The following BIN2 variants were observed in gnomAD, a reference collection of about 807,000 sequenced individuals.
The protein encoded by BIN2 is breast cancer associated protein BRAP1.
A neutral mutation model predicts 67.9 loss-of-function variants in BIN2; 43 were observed. That is an observed-to-expected ratio of 0.63 (90% CI 0.50 to 0.82). BIN2 has a LOEUF of 0.82. Ranked by LOEUF, BIN2 falls within the 40% of genes least tolerant of loss-of-function variation. The probability of loss-of-function intolerance (pLI) is 0.00; values close to 1 mark genes in which losing one functional copy is unlikely to be tolerated. For synonymous variants in BIN2, 244 were observed against 246.8 expected (o/e 0.99, Z 0.11); for missense variants, 581 against 671.6 (o/e 0.87, Z 1.49).
chr12:51,288,710 C>T (rs1221837498), intron 10 of BIN2, among the ~76,000 whole-genome samples: 3 of 151,796 alleles, frequency 2.0e-5, no homozygotes, highest in African/African-American at 7.3e-5. Context: ...CACCATAATC[C>T]TCTCTACAAT....
chr12:51,286,546 A>G (rs1335298840), intron 11 of BIN2, among the ~76,000 whole-genome samples: 1 of 152,208 alleles, frequency 6.6e-6, no homozygotes, highest in East Asian at 1.9e-4. Flanking sequence ...GACTCCAAGA[A>G]TGCAAGCTTG....
At chr12:51,297,676 C>A (rs1453863110) in intron 7 of BIN2, among the ~76,000 whole-genome samples, 1 of 152,124 alleles carries the variant, frequency 6.6e-6, no homozygotes, top group Non-Finnish European at 1.5e-5. Context: ...GCAGGAAGGC[C>A]AGGGGAGACA....
In BIN2 at chr12:51,313,861, G is replaced by A; in HGVS notation, c.124C>T (p.Arg42Ter). 1.2e-6 allele frequency: 2 copies of A among 1,613,676 alleles called. No individual in the cohort carries two copies. The highest frequency in any genetic ancestry group is 2.2e-5 in the East Asian group (1 of 44,864). Reference sequence around the variant, plus strand: ...AAGTTGCTAGCGCTTTGTTCAAATCGTTCATCTTTGGTTTCTACAGCTTTC... The same window carrying A: ...AAGTTGCTAGCGCTTTGTTCAAATCATTCATCTTTGGTTTCTACAGCTTTC... Reference protein sequence around the residue: ...LGKAVETKDERFEQSASNFYQ... With the variant: ...LGKAVETKDE The change falls in exon 2 of 13, where the codon CGA becomes TGA. Residue 42 changes from arginine to a stop codon, truncating the protein, a stop_gained. Transcript: ENST00000615107. LOFTEE classifies it high-confidence loss of function.
chr12:51,310,566 T>A (rs1945968805), intron 2 of BIN2, among the ~76,000 whole-genome samples: 1 of 152,186 alleles, frequency 6.6e-6, no homozygotes, highest in Non-Finnish European at 1.5e-5. Flanking sequence ...AAGATTTGTA[T>A]GACACTGGTA....
Position 51,291,857 on chromosome 12 carries a change from G to T in BIN2, c.1249C>A (p.Pro417Thr). The change falls in exon 10 of 13, where the codon CCT (proline) becomes ACT (threonine). Residue 417 changes from proline to threonine, a missense_variant. Physicochemically the swap from Pro to Thr is conservative, Grantham distance 38. Transcript: ENST00000615107. ...IQRTSAPPSRPPPPRATASPR... is the reference protein window; with the variant it reads ...IQRTSAPPSRTPPPRATASPR... ...CTTGCAGTGGCTCTGGGTGGAGGAGGCCTACTAGGGGGTGCTGAGGTCCTC... is the reference window on the plus strand; with the variant it reads ...CTTGCAGTGGCTCTGGGTGGAGGAGTCCTACTAGGGGGTGCTGAGGTCCTC... 1.2e-6 allele frequency: 2 copies of T among 1,614,140 alleles called. No individual in the cohort carries two copies. Among genetic ancestry groups the T allele is most frequent in the Non-Finnish European group, 8.5e-7 (1 of 1,180,012 alleles).
chr12:51,294,822 A>T (rs1305735527), intron 9 of BIN2, among the ~76,000 whole-genome samples: 1 of 152,198 alleles, frequency 6.6e-6, no homozygotes, highest in East Asian at 1.9e-4. Flanking sequence ...GGGAAGGAAC[A>T]TTGGGAACTT....
intron 1 of BIN2, among the ~76,000 whole-genome samples, chr12:51,321,588 G>A (rs527615411): frequency 5.1e-4 from 77 of 152,124 alleles, no homozygotes; most frequent in African/African-American, 1.6e-3. Flanking sequence ...TAGTAGAGAC[G>A]GGGTTTCTCC....
intron 12 of BIN2, among the ~76,000 whole-genome samples, chr12:51,284,409 AAT>A (rs1945188609): frequency 1.3e-5 from 2 of 152,200 alleles, no homozygotes; most frequent in South Asian, 2.1e-4. Flanking sequence ...ATTACTGTAT[AAT>A]ATGACCTTTT....
intron 5 of BIN2, 87 bp from the exon 6 acceptor site, chr12:51,299,801 T>C: frequency 8.9e-7 from 1 of 1,127,766 alleles, no homozygotes; most frequent in Non-Finnish European, 1.3e-6. Flanking sequence ...GAGAGCAAGA[T>C]TCTTGCATCC....
At chr12:51,324,251 G>A (rs1592290921), upstream of BIN2, 8 of 1,428,192 alleles carry the variant, frequency 5.6e-6, no homozygotes, top group South Asian at 3.0e-5. Context: ...CCTGAGGCCC[G>A]CCCCTCAGCC....
chr12:51,302,781 C>A lies in BIN2; in HGVS notation c.218-1G>T. 1 of 1,609,940 alleles carries A rather than the reference C, an allele frequency of 6.2e-7. No homozygotes were observed. Among genetic ancestry groups the A allele is most frequent in the Non-Finnish European group, 8.5e-7 (1 of 1,176,210 alleles). On this transcript the variant is annotated splice_acceptor_variant, in intron 3 of 12. Transcript: ENST00000615107. LOFTEE classifies it high-confidence loss of function. ...ACTCTTTTTGAACTTTCATGCATCA[C>A]TGAAAGGAGAGAATTCAGTCCCACC...
At chr12:51,299,092 G>C (rs866030386) in intron 7 of BIN2, 111 bp downstream of exon 7, 55,214 of 684,256 alleles carry the variant, frequency 0.081, 1,598 homozygotes, top group Non-Finnish European at 0.092. Context: ...AAAAAAAGGG[G>C]GCGGGGCAGT....
chr12:51,293,961 A>G lies in BIN2; in HGVS notation c.762-1617T>C, dbSNP rs562115015. ...GTCAAGAAGCCCCATGACAGACCTT[A>G]TGACTCAACAATCCTGCTCCAAGTA... On this transcript the variant is annotated intron_variant, in intron 9 of 12. Coordinates refer to ENST00000615107, the MANE Select transcript of BIN2 (RefSeq NM_016293.4). Among the ~76,000 whole-genome samples, 90 of 152,340 alleles carry G rather than the reference A, an allele frequency of 5.9e-4. 1 individual carries two copies. The highest frequency in any genetic ancestry group is 2.1e-3 in the African/African-American group (88 of 41,592).
chr12:51,314,876 A>C (rs551753239), intron 1 of BIN2, among the ~76,000 whole-genome samples: 1 of 152,090 alleles, frequency 6.6e-6, no homozygotes, highest in Non-Finnish European at 1.5e-5. Flanking sequence ...TATTTGAGAC[A>C]GGGTCTTGCT....
Position 51,318,459 on chromosome 12 carries a change from G to A in BIN2, c.82-4556C>T, listed in dbSNP as rs775049. Among the ~76,000 whole-genome samples the A allele has an allele frequency of 1.5e-3, 231 of 152,084 alleles. 6 individuals carry two copies. Among genetic ancestry groups the A allele is most frequent in the East Asian group, 9.7e-4 (5 of 5,178 alleles). On this transcript the variant is annotated intron_variant, in intron 1 of 12. Coordinates refer to ENST00000615107, the MANE Select transcript of BIN2 (RefSeq NM_016293.4). ...GTATTTTTAGTAGAGACAGGGTTTC[G>A]CCATGTTGGCCAGGCTGGTCTTGAA...
intron 2 of BIN2, among the ~76,000 whole-genome samples, chr12:51,307,297 A>C (rs1430628064): frequency 6.6e-6 from 1 of 152,018 alleles, no homozygotes; most frequent in East Asian, 1.9e-4. Context: ...AAAAAAAAAA[A>C]AAATTAACAA....
chr12:51,304,551 C>G (rs1015421649), intron 2 of BIN2, among the ~76,000 whole-genome samples: 6 of 152,206 alleles, frequency 3.9e-5, no homozygotes, highest in Non-Finnish European at 8.8e-5. Context: ...GTGCAGCCCA[C>G]TTCAAGGGAA....
intron 1 of BIN2, among the ~76,000 whole-genome samples, chr12:51,320,165 G>A (rs1946234374): frequency 2.0e-5 from 3 of 152,068 alleles, no homozygotes. Flanking sequence ...TTTTTTGGTA[G>A]AGATGGGATT....
chr12:51,297,266 G>T, intron 7 of BIN2, 102 bp from the exon 8 acceptor site: 9 of 1,167,260 alleles, frequency 7.7e-6, no homozygotes, highest in Non-Finnish European at 1.1e-5. Flanking sequence ...AGCCACCAAG[G>T]CTCCTAAATG....
Sources: gnomAD v4.1 joint callset for allele counts (sites outside exome capture counted in the v4.1 genomes callset) on GRCh38, gnomAD v4.1.1 for gene constraint, MANE v1.5 for transcripts, NCBI Gene and HGNC (gene_info 2026-07-23, HGNC 2026-07-21) for gene names.